Variants in BCAS3 observed in about 807,000 individuals in gnomAD.
The protein encoded by BCAS3 is BCAS3 microtubule associated cell migration factor.
In BCAS3, 53 loss-of-function variants were observed where a neutral mutation model predicts 116.1. The observed-to-expected ratio is 0.46, with a 90% CI of 0.37 to 0.57. BCAS3 has a LOEUF of 0.57. BCAS3 is among the 20% of genes least tolerant of loss of function. The pLI, the probability that BCAS3 is intolerant of heterozygous loss-of-function variation, is 0.00. For synonymous variants in BCAS3, 391 were observed against 408.2 expected (o/e 0.96, Z 0.51); for missense variants, 917 against 1,165.4 (o/e 0.79, Z 3.10).
chr17:61,159,396 A>T (rs1601638234), intron 22 of BCAS3: 2 of 152,282 alleles, frequency 1.3e-5, no homozygotes, highest in East Asian at 3.9e-4. Context: ...AACTTGTGAG[A>T]TGATTTCAGG....
rs117579267 is a variant in BCAS3 at position 60,788,693 on chromosome 17, C to T, written c.404-19311C>T. On this transcript the variant is annotated intron_variant, in intron 6 of 23. Transcript: ENST00000407086. The stretch of plus-strand genomic sequence containing the variant: ...AGCCTCTCTATTTTCCTATTTCTCC[C>T]TCTTTATCTCATCTTCCACTTCATC... Among the ~76,000 whole-genome samples the T allele has an allele frequency of 3.3e-5, 5 of 152,130 alleles. No individual in the cohort carries two copies. The East Asian group carries it at 7.7e-4, about 23-fold the overall frequency.
chr17:60,698,799 T>TA (rs1341311964), intron 4 of BCAS3, among the ~76,000 whole-genome samples: 2 of 152,092 alleles, frequency 1.3e-5, no homozygotes, highest in African/African-American at 4.8e-5. Flanking sequence ...CTCACGCCTG[T>TA]AATCCCAGCA....
Position 61,132,813 on chromosome 17 carries a change from C to T in BCAS3, c.2425+48249C>T, listed in dbSNP as rs2076410226. 6.6e-6 allele frequency among the ~76,000 whole-genome samples: 1 copy of T among 152,152 alleles called. No individual in the cohort carries two copies. Among genetic ancestry groups the T allele is most frequent in the African/African-American group, 2.4e-5 (1 of 41,436 alleles). ...AATGAGAAGAAGCTCCTTACCAGGTCTGTGTGGGTCACGGGGCAAGATCAA... is the reference window on the plus strand; with the variant it reads ...AATGAGAAGAAGCTCCTTACCAGGTTTGTGTGGGTCACGGGGCAAGATCAA... On this transcript the variant is annotated intron_variant, in intron 22 of 23. Coordinates refer to ENST00000407086, the MANE Select transcript of BCAS3 (RefSeq NM_017679.5). This position sits in a 1 kb window ranked among gnomAD's most constrained non-coding sequence, Gnocchi z 5.1.
rs191895559 is a variant in BCAS3, at chr17:60,855,218, G to A, written c.477-13358G>A. Among the ~76,000 whole-genome samples, 1,487 of 150,870 alleles carry A rather than the reference G, an allele frequency of 9.9e-3. 12 individuals carry two copies. Among genetic ancestry groups the A allele is most frequent in the South Asian group, 0.015 (72 of 4,780 alleles). Reference sequence around the variant, plus strand: ...CCACCTTGGCCTCCCAAAATGCTGGGATTTCAGGTGTGAGCCACCGTGCCC... The same window carrying A: ...CCACCTTGGCCTCCCAAAATGCTGGAATTTCAGGTGTGAGCCACCGTGCCC... On this transcript the variant is annotated intron_variant, in intron 7 of 23. Transcript: ENST00000407086.
intron 20 of BCAS3, 77 bp downstream of exon 20, chr17:61,075,097 T>G (rs1371744246): frequency 8.7e-7 from 1 of 1,153,172 alleles, no homozygotes; most frequent in East Asian, 2.4e-5. Context: ...TCCTTAGAGG[T>G]AAAAGGGGAG....
At chr17:60,923,086 T>C (rs1000870008) in intron 12 of BCAS3, among the ~76,000 whole-genome samples, 1 of 152,096 alleles carries the variant, frequency 6.6e-6, no homozygotes, top group African/African-American at 2.4e-5. Flanking sequence ...ATAATAAAGA[T>C]CTGGATAGAA....
rs886178969 is a variant in BCAS3, at chr17:61,034,503, C to T, written c.1638-163C>T. 3 of 561,346 alleles carry T rather than the reference C, an allele frequency of 5.3e-6. No homozygotes were observed. The highest frequency in any genetic ancestry group is 8.8e-6 in the Non-Finnish European group (3 of 339,824). 34.8% of individuals were successfully genotyped at this position (561,346 alleles called of 1,614,324 possible). A position where few individuals can be genotyped will look rare whatever the true frequency, so the allele number is the denominator to read the frequency against. On this transcript the variant is annotated intron_variant, in intron 16 of 23. Transcript: ENST00000407086. The surrounding 1 kb of genome is among the most constrained non-coding windows in gnomAD (Gnocchi z 5.0). The stretch of plus-strand genomic sequence containing the variant: ...GAACTTTGAAATAATTCTACTTTTA[C>T]TCCAGAACATAGTCTCACATCACCA...
intron 22 of BCAS3, among the ~76,000 whole-genome samples, chr17:61,342,295 G>A (rs1038875101): frequency 2.0e-5 from 3 of 152,176 alleles, no homozygotes; most frequent in Non-Finnish European, 4.4e-5. Flanking sequence ...CTTTAGAAAC[G>A]TCACTTCCCC....
chr17:61,074,668 A>G (rs1170507561), intron 19 of BCAS3, among the ~76,000 whole-genome samples: 2 of 152,208 alleles, frequency 1.3e-5, no homozygotes, highest in African/African-American at 2.4e-5. Flanking sequence ...TGCTATTAGC[A>G]TATGTAGTTA....
At chr17:61,045,100 G>A (rs918460127) in intron 19 of BCAS3, among the ~76,000 whole-genome samples, 2 of 151,976 alleles carry the variant, frequency 1.3e-5, no homozygotes, top group East Asian at 3.9e-4. Context: ...TTATACATTT[G>A]AGCATTATTA....
At position 61,098,598 on chromosome 17, in the gene BCAS3, A is replaced by G. The variant is rs538288726; in HGVS notation, c.2425+14034A>G. On this transcript the variant is annotated intron_variant, in intron 22 of 23. Coordinates refer to ENST00000407086, the MANE Select transcript of BCAS3 (RefSeq NM_017679.5). This position sits in a 1 kb window ranked among gnomAD's most constrained non-coding sequence, Gnocchi z 4.2. ...CATTTGAGTTTGAGCTTTTCCTGCA[A>G]TTAAGTGGTATGCTGCAAAAAGGAA... Among the ~76,000 whole-genome samples the G allele has an allele frequency of 1.1e-4, 17 of 152,316 alleles. No homozygotes were observed. The highest frequency in any genetic ancestry group is 4.1e-4 in the African/African-American group (17 of 41,566).
Position 61,145,707 on chromosome 17 carries a change from T to C in BCAS3, c.2425+61143T>C, listed in dbSNP as rs1438965582. Among the ~76,000 whole-genome samples, 1 of 152,140 alleles carries C rather than the reference T, an allele frequency of 6.6e-6. No individual in the cohort carries two copies. Among genetic ancestry groups the C allele is most frequent in the Non-Finnish European group, 1.5e-5 (1 of 68,024 alleles). ...TTAAGCTGAAAAAGAATATAAAAAT[T>C]AAAGAGAAATTGAAAATCTAAGTCT... On this transcript the variant is annotated intron_variant, in intron 22 of 23. Transcript: ENST00000407086. The surrounding 1 kb of genome is among the most constrained non-coding windows in gnomAD (Gnocchi z 5.0).
At chr17:60,926,878 C>T (rs889173804) in intron 13 of BCAS3, among the ~76,000 whole-genome samples, 1 of 152,180 alleles carries the variant, frequency 6.6e-6, no homozygotes, top group Non-Finnish European at 1.5e-5. Context: ...TTTGTCCTCT[C>T]ACATTTGTGT....
intron 7 of BCAS3, among the ~76,000 whole-genome samples, chr17:60,845,285 G>T (rs2052411230): frequency 6.6e-6 from 1 of 152,192 alleles, no homozygotes; most frequent in Non-Finnish European, 1.5e-5. Flanking sequence ...TCCATCTCGT[G>T]AAGGTCTTTA....
At chr17:61,138,085 C>T (rs989940751) in intron 22 of BCAS3, among the ~76,000 whole-genome samples, 1 of 152,184 alleles carries the variant, frequency 6.6e-6, no homozygotes, top group African/African-American at 2.4e-5. Flanking sequence ...TGGAATAGCA[C>T]TGTATGGTAA....
At chr17:60,895,565 A>G (rs1376232034) in intron 10 of BCAS3, among the ~76,000 whole-genome samples, 1 of 151,810 alleles carries the variant, frequency 6.6e-6, no homozygotes, top group Non-Finnish European at 1.5e-5. Flanking sequence ...TACTCTGTTT[A>G]TTATTTCATT....
chr17:60,780,544 C>G (rs1267304577), intron 6 of BCAS3, among the ~76,000 whole-genome samples: 2 of 152,016 alleles, frequency 1.3e-5, no homozygotes, highest in South Asian at 2.1e-4. Flanking sequence ...CTCAAGTGAT[C>G]CACCTGCCTT....
chr17:60,681,316 G>A (rs1474316959), intron 2 of BCAS3, among the ~76,000 whole-genome samples: 1 of 151,876 alleles, frequency 6.6e-6, no homozygotes, highest in East Asian at 2.0e-4. Context: ...CCTGACCAAT[G>A]TGGAGAAAAC....
At chr17:61,086,466 G>GTTATT (rs1410942002) in intron 22 of BCAS3, among the ~76,000 whole-genome samples, 1 of 152,198 alleles carries the variant, frequency 6.6e-6, no homozygotes, top group Non-Finnish European at 1.5e-5. Flanking sequence ...AGGAGCTTCA[G>GTTATT]TGAACTGTTA....
Sources: gnomAD v4.1 joint callset for allele counts (sites outside exome capture counted in the v4.1 genomes callset) on GRCh38, gnomAD v4.1.1 for gene constraint, Gnocchi (gnomAD v3.1) non-coding constraint, MANE v1.5 for transcripts, NCBI Gene and HGNC (gene_info 2026-07-23, HGNC 2026-07-21) for gene names.